Variants in MAP3K15 observed in about 807,000 individuals in gnomAD.
MAP3K15 encodes the protein mitogen-activated protein kinase kinase kinase 15, also known as MAPK/ERK kinase kinase 15.
MAP3K15 carries 124 observed loss-of-function variants against 99.5 expected under a neutral mutation model. The observed-to-expected ratio is 1.25, with a 90% CI of 1.08 to 1.45. The LOEUF (loss-of-function observed/expected upper bound fraction) is 1.45, where lower values mean the gene tolerates loss of function less well. MAP3K15 is among the 40% of genes most tolerant of loss of function. The probability of loss-of-function intolerance (pLI) is 0.00; values close to 1 mark genes in which losing one functional copy is unlikely to be tolerated. For synonymous variants in MAP3K15, 494 were observed against 439.6 expected (o/e 1.12, Z -1.55); for missense variants, 1,242 against 1,079.7 (o/e 1.15, Z -2.11).
chrX:19,490,188 CATACAA>C (rs1569241827), intron 1 of MAP3K15, among the ~76,000 whole-genome samples: 10 of 99,306 alleles, frequency 1.0e-4, no homozygotes, highest in African/African-American at 3.7e-4. Flanking sequence ...CACACACATA[CATACAA>C]AAATTCCTTA....
Position 19,490,140 on chromosome X carries a change from TACACACACACACAC to T in MAP3K15, c.362-1187_362-1174del, listed in dbSNP as rs59202439. Among the ~76,000 whole-genome samples the T allele has an allele frequency of 5.9e-3, 544 of 92,460 alleles. 3 individuals carry two copies. Among genetic ancestry groups the T allele is most frequent in the Admixed American group, 0.022 (187 of 8,331 alleles). 80.3% of individuals were successfully genotyped at this position (92,460 alleles called of 115,157 possible). The stretch of plus-strand genomic sequence containing the variant: ...TACGTACAGGCATGTATAGGCATTA[TACACACACACACAC>T]ACACACACACACACACACACACACA... On this transcript the variant is annotated intron_variant, in intron 1 of 28. Transcript: ENST00000338883.
intron 3 of MAP3K15, among the ~76,000 whole-genome samples, chrX:19,464,763 A>G (rs1307196791): frequency 8.9e-6 from 1 of 111,966 alleles, no homozygotes; most frequent in Admixed American, 9.5e-5. Flanking sequence ...GCAACATGGC[A>G]TATTGTTTTT....
At chrX:19,371,797 C>T (rs777769382) in intron 22 of MAP3K15, among the ~76,000 whole-genome samples, 5 of 110,838 alleles carry the variant, frequency 4.5e-5, no homozygotes, top group East Asian at 2.8e-4. Flanking sequence ...TAGTTCAGAG[C>T]GGAGCAGCGG....
intron 21 of MAP3K15, chrX:19,373,130 CA>C: frequency 5.2e-6 from 1 of 192,003 alleles, no homozygotes; most frequent in South Asian, 1.6e-4. Context: ...GTGAGGGGGA[CA>C]GGGGAAGGAG....
At chrX:19,510,337 G>A (rs2064509042) in intron 1 of MAP3K15, among the ~76,000 whole-genome samples, 1 of 112,043 alleles carries the variant, frequency 8.9e-6, no homozygotes, top group Admixed American at 9.5e-5. Flanking sequence ...ACATCAAAAA[G>A]CTTATCCACC....
rs1439363312 is a variant in MAP3K15 at position 19,380,238 on chromosome X, C to G, written c.2471G>C (p.Gly824Ala). ...GGCTGGGGCACCATATCCGCGAGGC[C>G]CTTGGTCAATTATCTCAGGTGCCAT... ...QYMAPEIIDQ[G>A]PRGYGAPADI... The change falls in exon 19 of 29, where the codon GGG (glycine) becomes GCG (alanine). Residue 824 changes from glycine to alanine, a missense_variant. Coordinates refer to ENST00000338883, the MANE Select transcript of MAP3K15 (RefSeq NM_001001671.4). The G allele has an allele frequency of 2.5e-6, 3 of 1,205,185 alleles. No individual in the cohort carries two copies. The highest frequency in any genetic ancestry group is 3.4e-6 in the Non-Finnish European group (3 of 893,671).
intron 20 of MAP3K15, 46 bp downstream of exon 20, chrX:19,374,431 A>G: frequency 6.9e-6 from 8 of 1,154,051 alleles, no homozygotes; most frequent in Non-Finnish European, 8.2e-6. Flanking sequence ...AGCGCCCAGC[A>G]TTCTTGTGGC....
rs187893891 is a variant in MAP3K15 at position 19,393,129 on chromosome X, G to A, written c.2195-656C>T. Among the ~76,000 whole-genome samples, 425 of 111,505 alleles carry A rather than the reference G, an allele frequency of 3.8e-3. 3 individuals are homozygous for A. Among genetic ancestry groups the A allele is most frequent in the African/African-American group, 0.013 (396 of 30,718 alleles). On this transcript the variant is annotated intron_variant, in intron 16 of 28. Transcript: ENST00000338883. ...CTTAAGGACACTGTGACCACGTCTC[G>A]AAGGACATCATGTGAACTGCGGGAT...
At chrX:19,492,397 C>G (rs1273951290) in intron 1 of MAP3K15, among the ~76,000 whole-genome samples, 1 of 111,187 alleles carries the variant, frequency 9.0e-6, no homozygotes, top group African/African-American at 3.3e-5. Flanking sequence ...GTATCAATGT[C>G]TCACCTAAAA....
rs762470478 is a variant in MAP3K15, at chrX:19,373,310, G to A, written c.2933+226C>T. The stretch of plus-strand genomic sequence containing the variant: ...GAGAGAAGGGAAGAGGAGAGGTGGG[G>A]GAGGGCACATGTGGGGAATGAAAGG... On this transcript the variant is annotated intron_variant, in intron 21 of 28. Transcript: ENST00000338883. 8.1e-5 allele frequency: 32 copies of A among 393,280 alleles called. No individual in the cohort carries two copies. In the South Asian group the frequency reaches 1.1e-3, roughly 14 times the overall value. The allele number at this position is 393,280 out of a possible 1,213,427, so 32.4% of individuals were successfully genotyped here.
At chrX:19,367,841 C>T (rs138344502) in intron 25 of MAP3K15, among the ~76,000 whole-genome samples, 3,959 of 98,955 alleles carry the variant, frequency 0.04, 201 homozygotes, top group African/African-American at 0.14. Flanking sequence ...CTCCGCCTCC[C>T]GGGTTCAAGC....
chrX:19,425,090 C>T, intron 9 of MAP3K15, among the ~76,000 whole-genome samples: 1 of 111,762 alleles, frequency 8.9e-6, no homozygotes, highest in East Asian at 2.8e-4. Context: ...TTCTTTCCTG[C>T]ACATTTAAAT....
intron 3 of MAP3K15, among the ~76,000 whole-genome samples, chrX:19,480,434 T>C (rs1290707389): frequency 4.5e-5 from 5 of 111,099 alleles, no homozygotes; most frequent in Non-Finnish European, 9.4e-5. Flanking sequence ...GAGCTGTGAT[T>C]GCACTACTGC....
intron 3 of MAP3K15, among the ~76,000 whole-genome samples, chrX:19,470,324 T>C (rs2064199303): frequency 9.1e-6 from 1 of 110,473 alleles, no homozygotes; most frequent in African/African-American, 3.3e-5. Flanking sequence ...CACCACATGT[T>C]CTCACTCTTA....
chrX:19,464,611 G>T (rs2064153966), intron 3 of MAP3K15, among the ~76,000 whole-genome samples: 1 of 111,115 alleles, frequency 9.0e-6, no homozygotes, highest in African/African-American at 3.3e-5. Context: ...ACAAAAATTT[G>T]GTTTCAAATA....
At chrX:19,476,575 T>C (rs190941435) in intron 3 of MAP3K15, among the ~76,000 whole-genome samples, 2 of 112,239 alleles carry the variant, frequency 1.8e-5, no homozygotes, top group Admixed American at 1.9e-4. Context: ...CATATATACA[T>C]TGTCCAGAAA....
intron 13 of MAP3K15, among the ~76,000 whole-genome samples, chrX:19,403,460 CTTTTTT>C (rs144389481): frequency 1.1e-5 from 1 of 87,002 alleles, no homozygotes; most frequent in African/African-American, 4.6e-5. Flanking sequence ...TTATTCTATT[CTTTTTT>C]TTTTTTTTTT....
At chrX:19,474,538 G>A (rs2064228021) in intron 3 of MAP3K15, among the ~76,000 whole-genome samples, 1 of 37,430 alleles carries the variant, frequency 2.7e-5, no homozygotes. Context: ...GTCATTCTTG[G>A]AGGTTGGGGG....
At chrX:19,384,241 G>C (rs2063479254) in intron 18 of MAP3K15, among the ~76,000 whole-genome samples, 1 of 111,306 alleles carries the variant, frequency 9.0e-6, no homozygotes, top group African/African-American at 3.3e-5. Flanking sequence ...GGCATAGAAA[G>C]AGAAACATTG....
Sources: gnomAD v4.1 joint callset for allele counts (sites outside exome capture counted in the v4.1 genomes callset) on GRCh38, gnomAD v4.1.1 for gene constraint, MANE v1.5 for transcripts, NCBI Gene and HGNC (gene_info 2026-07-23, HGNC 2026-07-21) for gene names.